The following LRFN5 variants were observed in gnomAD, a reference collection of about 807,000 sequenced individuals.
The protein encoded by LRFN5 is leucine rich repeat and fibronectin type III domain containing 5.
LRFN5 carries 24 observed loss-of-function variants against 45.6 expected under a neutral mutation model. That is an observed-to-expected ratio of 0.53 (90% confidence interval 0.38 to 0.74). LRFN5 has a LOEUF of 0.74. Among genes scored for constraint, LRFN5 ranks in the 30% least tolerant of loss-of-function variants. LRFN5 has a pLI of 0.00. For missense variants in LRFN5, 776 were observed against 861.5 expected (o/e 0.90, Z 1.24); for synonymous variants, 340 against 313.8 (o/e 1.08, Z -0.88).
chr14:41,897,516 ATATT>A (rs1336470879), intron 4 of LRFN5, among the ~76,000 whole-genome samples: 1 of 152,134 alleles, frequency 6.6e-6, no homozygotes, highest in Non-Finnish European at 1.5e-5. Context: ...AGACATATAA[ATATT>A]TATACTCATA....
chr14:41,728,611 A>C (rs1321203357), intron 1 of LRFN5, among the ~76,000 whole-genome samples: 1 of 152,210 alleles, frequency 6.6e-6, no homozygotes, highest in East Asian at 1.9e-4. Context: ...TTAAGATTAG[A>C]ATCTATTCAA....
intron 1 of LRFN5, among the ~76,000 whole-genome samples, chr14:41,670,203 C>CTCTG: frequency 8.8e-6 from 1 of 113,512 alleles, no homozygotes; most frequent in Admixed American, 9.4e-5. Context: ...TATACATTCT[C>CTCTG]TGTGTGTGTG....
intron 1 of LRFN5, among the ~76,000 whole-genome samples, chr14:41,635,215 A>AATTCTGACT (rs1279848820): frequency 5.9e-5 from 9 of 152,184 alleles, no homozygotes; most frequent in Non-Finnish European, 1.3e-4. Flanking sequence ...AACCATGCTG[A>AATTCTGACT]ATTCTGACTA....
intron 2 of LRFN5, among the ~76,000 whole-genome samples, chr14:41,857,847 T>G (rs1416607667): frequency 6.6e-6 from 1 of 152,168 alleles, no homozygotes; most frequent in African/African-American, 2.4e-5. Context: ...ACATTTATGC[T>G]GAAACTTGAA....
At chr14:41,642,758 A>G (rs187134942) in intron 1 of LRFN5, among the ~76,000 whole-genome samples, 6 of 152,200 alleles carry the variant, frequency 3.9e-5, no homozygotes, top group Admixed American at 3.3e-4. Flanking sequence ...TTCACACTGT[A>G]TTTTCCTTTT....
At position 41,855,411 on chromosome 14, in the gene LRFN5, T is replaced by C. The variant is rs145998899; in HGVS notation, c.-20-31195T>C. On this transcript the variant is annotated intron_variant, in intron 2 of 5. Transcript: ENST00000298119. The stretch of plus-strand genomic sequence containing the variant: ...CTGTTTTGTAATTTGGAATGTATGA[T>C]ATTTTAATACCACTGAACATATCTA... 1.8e-4 allele frequency among the ~76,000 whole-genome samples: 28 copies of C among 152,324 alleles called. 1 individual carries two copies. The East Asian group carries it at 5.4e-3, about 29-fold the overall frequency.
intron 1 of LRFN5, among the ~76,000 whole-genome samples, chr14:41,670,140 CTG>C (rs10597849): frequency 0.6 from 83,215 of 139,380 alleles, 26,408 homozygotes; most frequent in East Asian, 0.97. Context: ...TATATACATT[CTG>C]TGTGTGTATA....
At chr14:41,893,915 G>A in intron 4 of LRFN5, 3 of 985,206 alleles carry the variant, frequency 3.0e-6, no homozygotes, top group Non-Finnish European at 3.6e-6. Flanking sequence ...GTCACATGTG[G>A]TCGTAGTTTG....
chr14:41,686,070 T>G (rs1383971892), intron 1 of LRFN5, among the ~76,000 whole-genome samples: 1 of 152,200 alleles, frequency 6.6e-6, no homozygotes, highest in Admixed American at 6.5e-5. Context: ...ATGGCCATTT[T>G]CATGACATTG....
intron 1 of LRFN5, among the ~76,000 whole-genome samples, chr14:41,716,115 A>C (rs183542280): frequency 1.3e-4 from 20 of 152,276 alleles, no homozygotes; most frequent in African/African-American, 4.6e-4. Context: ...CAGGACACCA[A>C]GTCTCTAGGC....
chr14:41,846,299 A>G (rs1215713349), intron 2 of LRFN5, among the ~76,000 whole-genome samples: 2 of 152,280 alleles, frequency 1.3e-5, no homozygotes, highest in East Asian at 3.9e-4. Context: ...ATTTGCATAT[A>G]TTTACAAAAT....
chr14:41,794,937 CAGT>C (rs1156296544), intron 2 of LRFN5, among the ~76,000 whole-genome samples: 4 of 151,754 alleles, frequency 2.6e-5, no homozygotes, highest in East Asian at 3.9e-4. Flanking sequence ...ATATATATGT[CAGT>C]AGGTGTGTAT....
chr14:41,838,825 T>C (rs1487504888), intron 2 of LRFN5, among the ~76,000 whole-genome samples: 1 of 152,146 alleles, frequency 6.6e-6, no homozygotes, highest in African/African-American at 2.4e-5. Context: ...GCTAAAATTA[T>C]TGGTGGCCAT....
chr14:41,779,413 G>GAGC (rs2138912704), intron 2 of LRFN5, among the ~76,000 whole-genome samples: 1 of 151,950 alleles, frequency 6.6e-6, no homozygotes, highest in South Asian at 2.1e-4. Flanking sequence ...ATGTTAAAGA[G>GAGC]AGCAGTTGGT....
intron 1 of LRFN5, among the ~76,000 whole-genome samples, chr14:41,755,079 G>A (rs1253585490): frequency 1.3e-5 from 2 of 152,164 alleles, no homozygotes; most frequent in African/African-American, 4.8e-5. Context: ...GCAGTTTTGA[G>A]TGAGTTTCTT....
intron 4 of LRFN5, among the ~76,000 whole-genome samples, chr14:41,896,956 G>T (rs1237708269): frequency 6.6e-6 from 1 of 151,736 alleles, no homozygotes. Context: ...GCTGGGTGTG[G>T]TGGCGCGCAC....
chr14:41,652,283 A>AGAATATATATTCCTAGAAG (rs1310540316), intron 1 of LRFN5, among the ~76,000 whole-genome samples: 4 of 152,108 alleles, frequency 2.6e-5, no homozygotes, highest in African/African-American at 9.7e-5. Context: ...TATCATTTCT[A>AGAATATATATTCCTAGAAG]TGATATTCCT....
rs560491168 is a variant in LRFN5, at chr14:41,617,763, G to T, written c.-197+9201G>T. 2.5e-4 allele frequency among the ~76,000 whole-genome samples: 38 copies of T among 152,210 alleles called. No homozygotes were observed. The South Asian group carries it at 7.7e-3, about 31-fold the overall frequency. On this transcript the variant is annotated intron_variant, in intron 1 of 5. Coordinates refer to ENST00000298119, the MANE Select transcript of LRFN5 (RefSeq NM_152447.5). ...CCTCTTTAATTTTCAGTTACCATCTGCAGGAGGGACTGACATGCCATTTAA... is the reference window on the plus strand; with the variant it reads ...CCTCTTTAATTTTCAGTTACCATCTTCAGGAGGGACTGACATGCCATTTAA...
intron 2 of LRFN5, among the ~76,000 whole-genome samples, chr14:41,804,864 G>A (rs1887463947): frequency 6.6e-6 from 1 of 152,082 alleles, no homozygotes; most frequent in African/African-American, 2.4e-5. Context: ...AATGGAAACT[G>A]ATATTACCTC....
Sources: gnomAD v4.1 joint callset for allele counts (sites outside exome capture counted in the v4.1 genomes callset) on GRCh38, gnomAD v4.1.1 for gene constraint, MANE v1.5 for transcripts, NCBI Gene and HGNC (gene_info 2026-07-23, HGNC 2026-07-21) for gene names.